Variants in IQSEC3 observed in about 807,000 individuals in gnomAD.
IQSEC3 encodes the protein IQ motif and SEC7 domain-containing protein 3.
IQSEC3 carries 50 observed loss-of-function variants against 105.4 expected under a neutral mutation model. The observed-to-expected ratio is 0.47, with a 90% CI of 0.38 to 0.60. The LOEUF is 0.60. IQSEC3 is among the 20% of genes least tolerant of loss of function. IQSEC3 has a pLI of 0.00. For synonymous variants in IQSEC3, 708 were observed against 746.0 expected, an observed-to-expected ratio of 0.95 and a Z score of 0.83; for missense variants, 1,415 against 1,630.0, an observed-to-expected ratio of 0.87 and a Z score of 2.27.
intron 2 of IQSEC3, among the ~76,000 whole-genome samples, chr12:120,542 C>A (rs1865184997): frequency 6.6e-6 from 1 of 152,108 alleles, no homozygotes; most frequent in Non-Finnish European, 1.5e-5. Context: ...AACCCCAGGG[C>A]ACCATCTGTG....
rs1591685710 is a variant in IQSEC3, at chr12:125,895, G to A, written c.886G>A (p.Asp296Asn). Residue 296 changes from aspartate to asparagine, a missense_variant, in exon 3 of 14, where the codon GAC becomes AAC. This residue lies in a region of IQSEC3 where 720 missense variants were observed against 633.0 expected (regional missense o/e 1.14). Coordinates refer to ENST00000538872, the MANE Select transcript of IQSEC3 (RefSeq NM_001170738.2). ...PAASDYELSL[D>N]LKNKQIEMLE... Reference sequence around the variant, plus strand: ...CGCCTCCGATTACGAACTCTCCCTTGACCTAAAGAATAAACAGGTACCCAG... The same window carrying A: ...CGCCTCCGATTACGAACTCTCCCTTAACCTAAAGAATAAACAGGTACCCAG... 1 of 1,533,466 alleles carries A rather than the reference G, an allele frequency of 6.5e-7. No homozygotes were observed. The allele number at this position is 1,533,466 out of a possible 1,614,324, so 95.0% of individuals were successfully genotyped here.
rs149068530 is a variant in IQSEC3, at chr12:138,457, C to A, written c.1094C>A (p.Ala365Glu). 9 of 1,602,614 alleles carry A rather than the reference C, an allele frequency of 5.6e-6. No individual in the cohort carries two copies. The highest frequency in any genetic ancestry group is 7.6e-6 in the Non-Finnish European group (9 of 1,178,686). The change falls in exon 4 of 14, where the codon GCG becomes GAG. Residue 365 changes from alanine to glutamate, a missense_variant. By Grantham distance (107) the Ala-to-Glu change is moderately radical (BLOSUM62 -1). This residue lies in a region of IQSEC3 where 720 missense variants were observed against 633.0 expected (regional missense o/e 1.14). Coordinates refer to ENST00000538872, the MANE Select transcript of IQSEC3 (RefSeq NM_001170738.2). The surrounding 1 kb of genome is among the most constrained non-coding windows in gnomAD (Gnocchi z 7.1). ...KVRSPTAESL[A>E]AEKALMEGYG... ...CGGTCACCCACGGCCGAGAGCCTGG[C>A]GGCCGAGAAAGCGCTCATGGAGGGC... is the stretch of plus-strand genomic sequence containing the variant.
At chr12:80,797 G>C (rs1355021385) in intron 1 of IQSEC3, among the ~76,000 whole-genome samples, 1 of 152,212 alleles carries the variant, frequency 6.6e-6, no homozygotes, top group African/African-American at 2.4e-5. Context: ...TTCAAACTGG[G>C]TGCCCTGGGG....
chr12:157,894 G>A (rs894706860), intron 7 of IQSEC3, among the ~76,000 whole-genome samples, 200 bp downstream of exon 7: 1 of 152,262 alleles, frequency 6.6e-6, no homozygotes, highest in Non-Finnish European at 1.5e-5. Flanking sequence ...CACCGCCACC[G>A]CTCTACCAAA....
At chr12:150,700 A>C (rs184251741) in intron 5 of IQSEC3, among the ~76,000 whole-genome samples, 7 of 152,292 alleles carry the variant, frequency 4.6e-5, no homozygotes, top group Admixed American at 3.9e-4. Context: ...GAGAAGTGTT[A>C]ATGGTGCCTG....
intron 1 of IQSEC3, among the ~76,000 whole-genome samples, chr12:79,651 C>G (rs1283107931): frequency 6.6e-6 from 1 of 152,106 alleles, no homozygotes; most frequent in South Asian, 2.1e-4. Flanking sequence ...AGGCTGGTCT[C>G]GAACTCCTGG....
intron 2 of IQSEC3, among the ~76,000 whole-genome samples, chr12:112,813 G>T (rs781997068): frequency 1.3e-5 from 2 of 152,182 alleles, no homozygotes; most frequent in Non-Finnish European, 2.9e-5. Flanking sequence ...GTGAAATGCA[G>T]TATTGGAGCA....
chr12:126,022 C>T lies in IQSEC3; in HGVS notation c.903+110C>T, dbSNP rs1591686195. 7.1e-6 allele frequency: 8 copies of T among 1,122,064 alleles called. No individual in the cohort carries two copies. The East Asian group carries it at 1.6e-4, about 23-fold the overall frequency. 69.5% of individuals were successfully genotyped at this position (1,122,064 alleles called of 1,614,324 possible). The stretch of plus-strand genomic sequence containing the variant: ...CTGGGTCCCCTCCGCTACAGGCACA[C>T]CTCTTTTGCCACAGTTCTCCTGCAT... On this transcript the variant is annotated intron_variant, in intron 3 of 13. Coordinates refer to ENST00000538872, the MANE Select transcript of IQSEC3 (RefSeq NM_001170738.2).
Position 138,687 on chromosome 12 carries a change from G to T in IQSEC3, c.1324G>T (p.Ala442Ser). Residue 442 changes from alanine (A) to serine (S), a missense_variant, in exon 4 of 14, where the codon GCG becomes TCG. Around this residue, in one of 6 missense-constraint regions of IQSEC3, gnomAD observed 720 missense variants for 633.0 expected, o/e 1.14. Transcript: ENST00000538872. The surrounding 1 kb of genome is among the most constrained non-coding windows in gnomAD (Gnocchi z 7.1). ...TTACCAGCTCCACCAGGCCCTGCAG[G>T]CGGCCGCGGGGCCCCCAGGCCTGGA... The part of the protein sequence containing the change: ...GAYQLHQALQ[A>S]AAGPPGLEAE... The T allele has an allele frequency of 1.3e-6, 2 of 1,537,756 alleles. No individual in the cohort carries two copies. The highest frequency in any genetic ancestry group is 1.7e-6 in the Non-Finnish European group (2 of 1,147,302).
chr12:155,197 C>T (rs541463383), intron 5 of IQSEC3, among the ~76,000 whole-genome samples: 144 of 152,338 alleles, frequency 9.5e-4, no homozygotes, highest in Non-Finnish European at 1.2e-3. Context: ...ATCAGAGCAG[C>T]CTCTCGCCTG....
intron 3 of IQSEC3, among the ~76,000 whole-genome samples, chr12:129,512 T>C (rs1200259240): frequency 1.3e-5 from 2 of 152,054 alleles, no homozygotes; most frequent in African/African-American, 2.4e-5. Flanking sequence ...CCCTCTGCCT[T>C]CGACCCTCTC....
At chr12:128,684 C>G (rs1446977601) in intron 3 of IQSEC3, among the ~76,000 whole-genome samples, 1 of 152,218 alleles carries the variant, frequency 6.6e-6, no homozygotes, top group Non-Finnish European at 1.5e-5. Flanking sequence ...ATCCCACCCT[C>G]TCTTGCCTTC....
At position 141,104 on chromosome 12, in the gene IQSEC3, CT is replaced by C. The variant is rs782314791; in HGVS notation, c.1992-19del. ...GGCTTCAGCTCACTCTCTACTGCTTCTCCCCACCCCCACCTCCAGAAACCCC... is the reference window on the plus strand; with the variant it reads ...GGCTTCAGCTCACTCTCTACTGCTTCCCCCACCCCCACCTCCAGAAACCCC... On this transcript the variant is annotated intron_variant, in intron 4 of 13. Coordinates refer to ENST00000538872, the MANE Select transcript of IQSEC3 (RefSeq NM_001170738.2). 6.3e-7 allele frequency: 1 copy of C among 1,583,760 alleles called. No homozygotes were observed. The highest frequency in any genetic ancestry group is 8.6e-7 in the Non-Finnish European group (1 of 1,156,130).
chr12:127,390 A>G (rs553644977), intron 3 of IQSEC3, among the ~76,000 whole-genome samples: 3 of 152,278 alleles, frequency 2.0e-5, no homozygotes, highest in Admixed American at 6.5e-5. Context: ...GTGGTGGCGC[A>G]TGCCTGTAAT....
In IQSEC3 at chr12:176,742, G is replaced by C. The variant is rs1449907254; in HGVS notation, c.*1709G>C. ...GCAGCCAATTTGCCCTCTCCCCTGTGGCTGCCAGCCCATCTGCCCCTCTGT... is the reference window on the plus strand; with the variant it reads ...GCAGCCAATTTGCCCTCTCCCCTGTCGCTGCCAGCCCATCTGCCCCTCTGT... On this transcript the variant is annotated 3_prime_UTR_variant, in exon 14 of 14. Coordinates refer to ENST00000538872, the MANE Select transcript of IQSEC3 (RefSeq NM_001170738.2). The surrounding 1 kb of genome is among the most constrained non-coding windows in gnomAD (Gnocchi z 4.0). 1 of 152,264 alleles carries C rather than the reference G, an allele frequency of 6.6e-6. No homozygotes were observed. Among genetic ancestry groups the C allele is most frequent in the African/African-American group, 2.4e-5 (1 of 41,384 alleles). The allele number at this position is 152,264 out of a possible 1,614,324, so 9.4% of individuals were successfully genotyped here. A position where few individuals can be genotyped will look rare whatever the true frequency, so the allele number is the denominator to read the frequency against.
Position 138,391 on chromosome 12 carries a change from T to C in IQSEC3, c.1028T>C (p.Leu343Pro). The C allele has an allele frequency of 6.2e-7, 1 of 1,610,896 alleles. No individual in the cohort carries two copies. Among genetic ancestry groups the C allele is most frequent in the African/African-American group, 1.3e-5 (1 of 75,050 alleles). The change falls in exon 4 of 14, where the codon CTG (leucine) becomes CCG (proline). Residue 343 changes from leucine to proline, a missense_variant. By Grantham distance (98) the Leu-to-Pro change is moderately conservative (BLOSUM62 -3). This residue lies in a region of IQSEC3 where 720 missense variants were observed against 633.0 expected (regional missense o/e 1.14). Transcript: ENST00000538872. The surrounding 1 kb of genome is among the most constrained non-coding windows in gnomAD (Gnocchi z 7.1). ...KNFEKIRNSL[L>P]ESRLPRRISL... Reference sequence around the variant, plus strand: ...TTCGAGAAAATCCGCAACTCGCTTCTGGAGAGCCGCCTGCCACGGCGGATC... The same window carrying C: ...TTCGAGAAAATCCGCAACTCGCTTCCGGAGAGCCGCCTGCCACGGCGGATC...
At chr12:127,728 G>GT (rs532184849) in intron 3 of IQSEC3, among the ~76,000 whole-genome samples, 8 of 152,236 alleles carry the variant, frequency 5.3e-5, no homozygotes, top group African/African-American at 1.9e-4. Flanking sequence ...GGGGTTGTTT[G>GT]TTTTTTTCTT....
intron 1 of IQSEC3, among the ~76,000 whole-genome samples, chr12:77,064 C>G (rs1863560815): frequency 6.6e-6 from 1 of 152,048 alleles, no homozygotes; most frequent in African/African-American, 2.4e-5. Context: ...TACAAAAACT[C>G]TGCAAAGCGG....
intron 2 of IQSEC3, among the ~76,000 whole-genome samples, chr12:109,058 G>T (rs1472126518): frequency 3.3e-5 from 5 of 152,240 alleles, no homozygotes; most frequent in Admixed American, 2.0e-4. Flanking sequence ...CCACCTCAAA[G>T]CATCCTGGCG....
Sources: allele counts gnomAD v4.1 joint callset (sites outside exome capture counted in the v4.1 genomes callset), GRCh38; gene constraint gnomAD v4.1.1; regional missense constraint gnomAD v4.1.1; non-coding constraint Gnocchi (gnomAD v3.1); transcripts MANE v1.5; gene names NCBI Gene and HGNC (gene_info 2026-07-23, HGNC 2026-07-21).